RHBDL2: variants seen among roughly 807,000 people sequenced by gnomAD.
The protein encoded by RHBDL2 is rhomboid like 2.
RHBDL2 carries 26 observed loss-of-function variants against 31.7 expected under a neutral mutation model. The observed-to-expected ratio is 0.82, with a 90% CI of 0.60 to 1.14. The LOEUF is 1.14. Among genes scored for constraint, RHBDL2 ranks in the 50% most tolerant of loss-of-function variants. The pLI, the probability that RHBDL2 is intolerant of heterozygous loss-of-function variation, is 0.00. For synonymous variants in RHBDL2, 123 were observed against 127.2 expected (o/e 0.97, Z 0.22); for missense variants, 336 against 364.4 (o/e 0.92, Z 0.63).
chr1:38,902,895 G>A (rs4431808), intron 4 of RHBDL2, among the ~76,000 whole-genome samples: 41,879 of 151,982 alleles, frequency 0.28, 6,379 homozygotes, highest in African/African-American at 0.41. Flanking sequence ...AACATCTTTG[G>A]AAAAACACAC....
At chr1:38,899,496 A>G (rs987802609) in intron 4 of RHBDL2, among the ~76,000 whole-genome samples, 1 of 152,204 alleles carries the variant, frequency 6.6e-6, no homozygotes, top group African/African-American at 2.4e-5. Context: ...TGTCCTCCCT[A>G]ACAGGCATGT....
At chr1:38,893,455 G>A (rs1325475628) in intron 5 of RHBDL2, among the ~76,000 whole-genome samples, 1 of 152,016 alleles carries the variant, frequency 6.6e-6, no homozygotes, top group African/African-American at 2.4e-5. Flanking sequence ...ACACAATTTT[G>A]CTAGCCAGAA....
At chr1:38,926,161 T>A in intron 1 of RHBDL2, 2 of 1,080,880 alleles carry the variant, frequency 1.9e-6, no homozygotes, top group Non-Finnish European at 2.3e-6. Flanking sequence ...ACCAATCAGC[T>A]GCATTTGCTT....
intron 2 of RHBDL2, among the ~76,000 whole-genome samples, chr1:38,916,495 A>G (rs1643236576): frequency 1.3e-5 from 2 of 152,178 alleles, no homozygotes; most frequent in Admixed American, 1.3e-4. Flanking sequence ...GTAAAAATCC[A>G]GGTAAATCTG....
At chr1:38,928,365 A>G (rs1275201584) in intron 1 of RHBDL2, among the ~76,000 whole-genome samples, 1 of 151,806 alleles carries the variant, frequency 6.6e-6, no homozygotes, top group Non-Finnish European at 1.5e-5. Context: ...GATGGTCTCA[A>G]TCTCCTGACC....
At chr1:38,910,436 T>TA (rs1264168991) in intron 4 of RHBDL2, among the ~76,000 whole-genome samples, 2 of 152,172 alleles carry the variant, frequency 1.3e-5, no homozygotes, top group African/African-American at 4.8e-5. Context: ...TTTAATTTTT[T>TA]AAAAAAATGT....
At chr1:38,901,248 A>C (rs888266816) in intron 4 of RHBDL2, among the ~76,000 whole-genome samples, 1 of 151,938 alleles carries the variant, frequency 6.6e-6, no homozygotes. Flanking sequence ...AGATCTCCTG[A>C]GGTCAGGAGT....
intron 3 of RHBDL2, 127 bp downstream of exon 3, chr1:38,915,435 C>T (rs1328158299): frequency 2.2e-6 from 2 of 895,242 alleles, no homozygotes; most frequent in Non-Finnish European, 3.4e-6. Context: ...CAATACCTAC[C>T]CCTTAGGGTT....
intron 1 of RHBDL2, among the ~76,000 whole-genome samples, chr1:38,935,157 G>C (rs1478743534): frequency 1.3e-5 from 2 of 152,080 alleles, no homozygotes; most frequent in Non-Finnish European, 2.9e-5. Flanking sequence ...TATGGAAAAT[G>C]TCTACCACAT....
In RHBDL2 at chr1:38,886,354, C is replaced by G. The variant is rs1642784115; in HGVS notation, c.*150G>C. 2 of 462,444 alleles carry G rather than the reference C, an allele frequency of 4.3e-6. No homozygotes were observed. The highest frequency in any genetic ancestry group is 4.0e-5 in the African/African-American group (2 of 49,742). 28.6% of individuals were successfully genotyped at this position (462,444 alleles called of 1,614,324 possible). ...ATCCTAAGGTCCTTTTATAGGCAAT[C>G]TTTGCAACTGATGAGTTTAATGCTG... On this transcript the variant is annotated 3_prime_UTR_variant, in exon 8 of 8. Transcript: ENST00000372990.
At chr1:38,931,585 G>A (rs991772520) in intron 1 of RHBDL2, among the ~76,000 whole-genome samples, 4 of 151,880 alleles carry the variant, frequency 2.6e-5, no homozygotes, top group Admixed American at 2.6e-4. Flanking sequence ...AGCTCCCAGG[G>A]GATTCTTATA....
At chr1:38,904,389 C>T (rs1570920868) in intron 4 of RHBDL2, among the ~76,000 whole-genome samples, 1 of 151,818 alleles carries the variant, frequency 6.6e-6, no homozygotes, top group Non-Finnish European at 1.5e-5. Context: ...AGGAGAATTG[C>T]GTGAACCCGG....
intron 1 of RHBDL2, among the ~76,000 whole-genome samples, chr1:38,936,168 G>T (rs75441027): frequency 0.035 from 5,300 of 152,222 alleles, 110 homozygotes; most frequent in South Asian, 0.051. Flanking sequence ...CTTCCTAAGT[G>T]CTGGGATTGG....
Position 38,929,850 on chromosome 1 carries a change from C to CTT in RHBDL2, c.-125-10515_-125-10514dup. Among the ~76,000 whole-genome samples the CTT allele has an allele frequency of 3.9e-5, 6 of 152,162 alleles. No individual in the cohort carries two copies. The Middle Eastern group carries it at 0.017, about 434-fold the overall frequency. ...TCTGTGGTTACAGCCTGAAAGGATGCTTTTTTAGCTACAGAAATTAAGAAC... is the reference window on the plus strand; with the variant it reads ...TCTGTGGTTACAGCCTGAAAGGATGCTTTTTTTTAGCTACAGAAATTAAGAAC... On this transcript the variant is annotated intron_variant, in intron 1 of 7. Coordinates refer to ENST00000372990, the MANE Select transcript of RHBDL2 (RefSeq NM_017821.5).
chr1:38,891,935 C>G lies in RHBDL2; in HGVS notation c.670+1229G>C, dbSNP rs1642860469. 3.9e-5 allele frequency among the ~76,000 whole-genome samples: 6 copies of G among 152,304 alleles called. No homozygotes were observed. The South Asian group carries it at 1.2e-3, about 32-fold the overall frequency. ...ACAGCCCTCCAGGTGGAGAGAACTT[C>G]AACTGGAGCAGGTCTGTCAACACCA... On this transcript the variant is annotated intron_variant, in intron 6 of 7. Transcript: ENST00000372990.
At chr1:38,912,006 T>C (rs994980391) in intron 3 of RHBDL2, among the ~76,000 whole-genome samples, 2 of 150,678 alleles carry the variant, frequency 1.3e-5, no homozygotes, top group African/African-American at 4.9e-5. Flanking sequence ...AGTTTTGCTC[T>C]TGTTGCCCAG....
intron 4 of RHBDL2, among the ~76,000 whole-genome samples, chr1:38,900,244 GC>G (rs1290104950): frequency 6.6e-6 from 1 of 151,484 alleles, no homozygotes; most frequent in African/African-American, 2.4e-5. Flanking sequence ...ACATGGTGAA[GC>G]CCCTTCTCTA....
chr1:38,926,955 T>C (rs1643384468), intron 1 of RHBDL2: 1 of 152,262 alleles, frequency 6.6e-6, no homozygotes, highest in Non-Finnish European at 1.5e-5. Flanking sequence ...GACACGCAAA[T>C]TCGTGAAGCA....
chr1:38,904,856 C>A (rs1643041822), intron 4 of RHBDL2, among the ~76,000 whole-genome samples: 1 of 147,272 alleles, frequency 6.8e-6, no homozygotes, highest in Non-Finnish European at 1.5e-5. Context: ...ACGGTGAAAC[C>A]CCGTCTCTAC....
Sources: allele counts gnomAD v4.1 joint callset (sites outside exome capture counted in the v4.1 genomes callset), GRCh38; gene constraint gnomAD v4.1.1; transcripts MANE v1.5; gene names NCBI Gene and HGNC (gene_info 2026-07-23, HGNC 2026-07-21).